Variants in ZNF722 observed in about 807,000 individuals in gnomAD.
The protein encoded by ZNF722 is zinc finger protein 722, also known as zinc finger protein 479 pseudogene.
chr7:64,003,059 G>A, the ZNF722 span, among the ~76,000 whole-genome samples: 1 of 152,188 alleles, frequency 6.6e-6, no homozygotes, highest in African/African-American at 2.4e-5. Flanking sequence ...GCAGGGCCAA[G>A]ATTACCAAGT....
the ZNF722 span, among the ~76,000 whole-genome samples, chr7:64,000,436 C>T: frequency 3.4e-4 from 8 of 23,682 alleles, no homozygotes; most frequent in African/African-American, 5.8e-4. Context: ...CATGCCCGGC[C>T]TTTTTTTTTT....
the ZNF722 span, among the ~76,000 whole-genome samples, chr7:64,013,695 G>A: frequency 1.3e-5 from 2 of 151,810 alleles, no homozygotes; most frequent in South Asian, 2.1e-4. Flanking sequence ...ATAATGCCAC[G>A]GAATTTTATT....
At chr7:64,004,425 A>AAATAT in the ZNF722 span, among the ~76,000 whole-genome samples, 5,508 of 60,850 alleles carry the variant, frequency 0.091, 440 homozygotes, top group Non-Finnish European at 0.12. Context: ...AAAAAAAAAA[A>AAATAT]ATATATATAT....
the ZNF722 span, chr7:64,015,476 A>G: frequency 1.9e-6 from 3 of 1,612,222 alleles, no homozygotes; most frequent in Non-Finnish European, 2.5e-6. Context: ...TTCATACTGG[A>G]GAGAAACCCT....
At chr7:64,001,641 AG>A in the ZNF722 span, among the ~76,000 whole-genome samples, 46 of 152,270 alleles carry the variant, frequency 3.0e-4, 1 homozygote, top group East Asian at 8.9e-3. Flanking sequence ...TTCTGTTTTC[AG>A]GTTTTTGAAA....
chr7:64,017,754 A>G, the ZNF722 span, among the ~76,000 whole-genome samples: 1 of 152,234 alleles, frequency 6.6e-6, no homozygotes, highest in Non-Finnish European at 1.5e-5. Flanking sequence ...CAGACATTAC[A>G]CTAAATCAGA....
At chr7:63,998,954 G>A in the ZNF722 span, 3 of 1,576,482 alleles carry the variant, frequency 1.9e-6, no homozygotes, top group Non-Finnish European at 8.7e-7. Context: ...GCAGGTATTC[G>A]CAGATTTATG....
the ZNF722 span, among the ~76,000 whole-genome samples, chr7:64,005,424 TTTTC>T: frequency 1.4e-4 from 2 of 14,062 alleles, no homozygotes; most frequent in Admixed American, 6.6e-4. Context: ...TGCTATTCTC[TTTTC>T]TTAGAGTTAG....
At chr7:64,000,436 CTTTTTTTTTTTTTTT>C in the ZNF722 span, among the ~76,000 whole-genome samples, 11 of 23,674 alleles carry the variant, frequency 4.6e-4, 1 homozygote, top group African/African-American at 9.7e-4. Flanking sequence ...CATGCCCGGC[CTTTTTTTTTTTTTTT>C]TTTTTTTTTT....
chr7:64,000,560 CCTG>C, the ZNF722 span, among the ~76,000 whole-genome samples: 16 of 142,646 alleles, frequency 1.1e-4, no homozygotes, highest in Non-Finnish European at 2.3e-4. Flanking sequence ...AAGTGATTCT[CCTG>C]CCTCAGCCTC....
At chr7:64,001,518 G>T in the ZNF722 span, among the ~76,000 whole-genome samples, 2 of 152,074 alleles carry the variant, frequency 1.3e-5, no homozygotes, top group Non-Finnish European at 2.9e-5. Flanking sequence ...GTTTATTTCT[G>T]GTTCTTGCTA....
the ZNF722 span, chr7:64,015,280 G>A: frequency 4.0e-6 from 5 of 1,239,356 alleles, no homozygotes; most frequent in East Asian, 9.3e-5. Flanking sequence ...TTTTCAAATT[G>A]CAATAGACAT....
At chr7:64,005,393 A>G in the ZNF722 span, among the ~76,000 whole-genome samples, 1 of 137,420 alleles carries the variant, frequency 7.3e-6, no homozygotes, top group African/African-American at 2.7e-5. Context: ...TATCAAATCT[A>G]CAGTGGTATT....
chr7:64,008,001 G>C, the ZNF722 span, among the ~76,000 whole-genome samples: 1 of 152,186 alleles, frequency 6.6e-6, no homozygotes, highest in Non-Finnish European at 1.5e-5. Context: ...CAGTGATGAT[G>C]AGCATTTTTT....
the ZNF722 span, among the ~76,000 whole-genome samples, chr7:64,008,020 T>C: frequency 3.9e-5 from 6 of 152,248 alleles, no homozygotes; most frequent in African/African-American, 1.4e-4. Flanking sequence ...TTCACATGTC[T>C]GTTGGCTGCA....
the ZNF722 span, chr7:64,005,879 A>T: frequency 1.2e-6 from 1 of 825,114 alleles, no homozygotes; most frequent in Non-Finnish European, 1.8e-6. Context: ...GGTGTAGAAC[A>T]GATTCTTCAC....
chr7:63,999,381 A>G, the ZNF722 span, among the ~76,000 whole-genome samples: 1 of 152,032 alleles, frequency 6.6e-6, no homozygotes, highest in East Asian at 1.9e-4. Context: ...CTAGTTCACC[A>G]TTTTTCCTTT....
the ZNF722 span, among the ~76,000 whole-genome samples, chr7:64,010,078 C>T: frequency 2.0e-5 from 3 of 152,052 alleles, no homozygotes; most frequent in African/African-American, 7.2e-5. Flanking sequence ...TCTGTGGGAT[C>T]GGTGGTGGTA....
At chr7:64,017,540 A>C in the ZNF722 span, among the ~76,000 whole-genome samples, 1 of 152,236 alleles carries the variant, frequency 6.6e-6, no homozygotes, top group African/African-American at 2.4e-5. Context: ...TATTGTATGC[A>C]TTTTATGTTA....
Sources: allele counts gnomAD v4.1 joint callset (sites outside exome capture counted in the v4.1 genomes callset), GRCh38; gene constraint gnomAD v4.1.1; transcripts MANE v1.5; gene names NCBI Gene and HGNC (gene_info 2026-07-23, HGNC 2026-07-21).